PHACTR1: variants seen among roughly 807,000 people sequenced by gnomAD.
PHACTR1 encodes phosphatase and actin regulator 1.
Under a neutral mutation model 69.2 loss-of-function variants are expected in PHACTR1, and 16 were observed. The observed-to-expected ratio is 0.23, with a 90% CI of 0.16 to 0.35. PHACTR1 has a LOEUF of 0.35. Ranked by LOEUF, PHACTR1 falls within the 10% of genes least tolerant of loss-of-function variation. The pLI, the probability that PHACTR1 is intolerant of heterozygous loss-of-function variation, is 1.00. For synonymous variants in PHACTR1, 312 were observed against 284.5 expected (o/e 1.10, Z -0.97); for missense variants, 510 against 734.7 (o/e 0.69, Z 3.54).
At chr6:12,817,625 G>A (rs1398109043) in intron 4 of PHACTR1, among the ~76,000 whole-genome samples, 1 of 152,164 alleles carries the variant, frequency 6.6e-6, no homozygotes, top group Non-Finnish European at 1.5e-5. Context: ...ATAAATGATA[G>A]TGTTTATTAC....
At chr6:13,002,539 C>T (rs1345439657) in intron 4 of PHACTR1, among the ~76,000 whole-genome samples, 1 of 152,112 alleles carries the variant, frequency 6.6e-6, no homozygotes, top group Non-Finnish European at 1.5e-5. Context: ...GAGGAAAAGG[C>T]CAAACTCTTT....
chr6:12,758,228 A>G (rs922028717), intron 4 of PHACTR1, among the ~76,000 whole-genome samples: 1 of 152,076 alleles, frequency 6.6e-6, no homozygotes, highest in African/African-American at 2.4e-5. Flanking sequence ...GCAGATTACA[A>G]GGTCAGGAAT....
At chr6:12,773,570 C>T (rs1769660095) in intron 4 of PHACTR1, among the ~76,000 whole-genome samples, 1 of 152,134 alleles carries the variant, frequency 6.6e-6, no homozygotes, top group Non-Finnish European at 1.5e-5. Flanking sequence ...CCCCAATAAT[C>T]ATATGTAATA....
At chr6:12,759,555 G>A (rs1048619173) in intron 4 of PHACTR1, among the ~76,000 whole-genome samples, 2 of 151,972 alleles carry the variant, frequency 1.3e-5, no homozygotes, top group Non-Finnish European at 2.9e-5. Context: ...AGTAAGTACC[G>A]ACCTAGCCCT....
intron 5 of PHACTR1, among the ~76,000 whole-genome samples, chr6:13,116,202 G>C (rs1159916908): frequency 6.6e-6 from 1 of 152,196 alleles, no homozygotes; most frequent in Admixed American, 6.5e-5. Flanking sequence ...TAACTGAACT[G>C]AAATTGGAGG....
intron 6 of PHACTR1, among the ~76,000 whole-genome samples, chr6:13,181,812 C>G (rs1215838292): frequency 6.6e-6 from 1 of 152,168 alleles, no homozygotes; most frequent in Non-Finnish European, 1.5e-5. Flanking sequence ...TGACATGAAG[C>G]CCTTTGCTCC....
intron 11 of PHACTR1, 155 bp from the exon 12 acceptor site, chr6:13,278,113 C>T: frequency 3.1e-6 from 2 of 641,304 alleles, no homozygotes; most frequent in East Asian, 6.0e-5. Flanking sequence ...AAGCAATCCC[C>T]ATAAGGAGAA....
chr6:13,090,677 A>G (rs1219469880), intron 5 of PHACTR1, among the ~76,000 whole-genome samples: 1 of 152,126 alleles, frequency 6.6e-6, no homozygotes, highest in Non-Finnish European at 1.5e-5. Flanking sequence ...CATCCCCAAG[A>G]TGACTATACT....
In PHACTR1 at chr6:12,965,451, C is replaced by CTT. The variant is rs55640152; in HGVS notation, c.251-87898_251-87897dup. On this transcript the variant is annotated intron_variant, in intron 4 of 14. Transcript: ENST00000332995. ...GTCTTTTTCACAGTCTATTTTGTGC[C>CTT]TTTTTTTTTTTTTTTTTGCATTTTG... 7.7e-3 allele frequency among the ~76,000 whole-genome samples: 1,019 copies of CTT among 131,738 alleles called. 13 individuals carry two copies. The highest frequency in any genetic ancestry group is 0.049 in the East Asian group (212 of 4,334). 86.4% of individuals were successfully genotyped at this position (131,738 alleles called of 152,430 possible).
At chr6:12,885,194 C>T (rs767880550) in intron 4 of PHACTR1, among the ~76,000 whole-genome samples, 32 of 152,202 alleles carry the variant, frequency 2.1e-4, no homozygotes, top group African/African-American at 6.3e-4. Flanking sequence ...AACTGCCTTG[C>T]GTCGGACCTA....
chr6:13,271,786 T>C (rs1037120609), intron 10 of PHACTR1, among the ~76,000 whole-genome samples: 5 of 152,114 alleles, frequency 3.3e-5, no homozygotes, highest in African/African-American at 1.2e-4. Context: ...TAGTTAGGTT[T>C]GGAGACTTCA....
At chr6:13,206,729 G>A (rs750950883) in intron 8 of PHACTR1, among the ~76,000 whole-genome samples, 10 of 152,146 alleles carry the variant, frequency 6.6e-5, no homozygotes, top group Non-Finnish European at 5.9e-5. Context: ...GCCCTGGTCA[G>A]ACATCATCCC....
At chr6:12,833,005 G>A (rs1777752186) in intron 4 of PHACTR1, among the ~76,000 whole-genome samples, 1 of 152,082 alleles carries the variant, frequency 6.6e-6, no homozygotes, top group Admixed American at 6.5e-5. Flanking sequence ...TTCCAAATTT[G>A]GTGAGGTAGA....
At chr6:12,991,329 A>G (rs561501833) in intron 4 of PHACTR1, among the ~76,000 whole-genome samples, 1 of 152,294 alleles carries the variant, frequency 6.6e-6, no homozygotes, top group African/African-American at 2.4e-5. Context: ...CCTGGTTTGC[A>G]GGGCAGTAGA....
intron 5 of PHACTR1, among the ~76,000 whole-genome samples, chr6:13,142,970 AT>A (rs1435875259): frequency 3.9e-5 from 6 of 152,240 alleles, no homozygotes; most frequent in African/African-American, 1.4e-4. Flanking sequence ...ATGAAATAAT[AT>A]TAGTTTTACA....
At chr6:12,942,817 C>T (rs1215137314) in intron 4 of PHACTR1, among the ~76,000 whole-genome samples, 1 of 152,178 alleles carries the variant, frequency 6.6e-6, no homozygotes, top group Non-Finnish European at 1.5e-5. Context: ...GTCAATCTTC[C>T]TGACCGATGC....
Position 13,109,362 on chromosome 6 carries a change from G to C in PHACTR1, c.416-50842G>C, listed in dbSNP as rs1583397440. 5.3e-5 allele frequency among the ~76,000 whole-genome samples: 8 copies of C among 151,892 alleles called. No individual in the cohort carries two copies. The South Asian group carries it at 1.7e-3, about 32-fold the overall frequency. On this transcript the variant is annotated intron_variant, in intron 5 of 14. Transcript: ENST00000332995. ...AAATTGTTATAACTTTTGTTTATCT[G>C]AAAAGTTCTTGATTTTACCTTAATT...
intron 4 of PHACTR1, among the ~76,000 whole-genome samples, chr6:13,019,465 A>G (rs995750097): frequency 1.3e-5 from 2 of 152,262 alleles, no homozygotes; most frequent in Non-Finnish European, 2.9e-5. Context: ...AACAGCCAAA[A>G]GACCAAGATT....
intron 4 of PHACTR1, among the ~76,000 whole-genome samples, chr6:13,020,468 C>T (rs984801314): frequency 1.3e-5 from 2 of 152,102 alleles, no homozygotes; most frequent in African/African-American, 2.4e-5. Context: ...CAGGCAGACT[C>T]AGGATGTCAT....
Sources: gnomAD v4.1 joint callset for allele counts (sites outside exome capture counted in the v4.1 genomes callset) on GRCh38, gnomAD v4.1.1 for gene constraint, MANE v1.5 for transcripts, NCBI Gene and HGNC (gene_info 2026-07-23, HGNC 2026-07-21) for gene names.